The following KCNK2 variants were observed in gnomAD, a reference collection of about 807,000 sequenced individuals.
The protein encoded by KCNK2 is potassium channel subfamily K member 2.
A neutral mutation model predicts 40.5 loss-of-function variants in KCNK2; 21 were observed. That is an observed-to-expected ratio of 0.52 (90% confidence interval 0.37 to 0.75). The LOEUF is 0.75. Among genes scored for constraint, KCNK2 ranks in the 30% least tolerant of loss-of-function variants. The pLI is 0.00. For missense variants in KCNK2, 399 were observed against 531.6 expected (o/e 0.75, Z 2.45); for synonymous variants, 191 against 202.2 (o/e 0.94, Z 0.47).
At chr1:215,040,374 T>C (rs1196188608) in intron 1 of KCNK2, among the ~76,000 whole-genome samples, 1 of 152,166 alleles carries the variant, frequency 6.6e-6, no homozygotes, top group East Asian at 1.9e-4. Flanking sequence ...GAGGTCACAC[T>C]CCTAGTTCAA....
At chr1:215,050,058 A>G (rs1183603621) in intron 1 of KCNK2, among the ~76,000 whole-genome samples, 2 of 152,192 alleles carry the variant, frequency 1.3e-5, no homozygotes, top group Non-Finnish European at 2.9e-5. Flanking sequence ...TGAGATTTTG[A>G]TAAGAGTTGT....
chr1:215,230,092 TACACA>T (rs1409173741), intron 6 of KCNK2, among the ~76,000 whole-genome samples: 7 of 141,242 alleles, frequency 5.0e-5, no homozygotes, highest in African/African-American at 1.6e-4. Flanking sequence ...TGTGTGTGTA[TACACA>T]CACACACACA....
chr1:215,108,897 G>C (rs1045912473), intron 2 of KCNK2, among the ~76,000 whole-genome samples: 3 of 136,748 alleles, frequency 2.2e-5, no homozygotes, highest in Admixed American at 2.1e-4. Context: ...AACATGGAGT[G>C]AACTTCAGGA....
intron 6 of KCNK2, among the ~76,000 whole-genome samples, chr1:215,213,967 A>G (rs1375804699): frequency 6.6e-6 from 1 of 152,130 alleles, no homozygotes; most frequent in Non-Finnish European, 1.5e-5. Context: ...CTTTGCATTC[A>G]TCTCTAATAT....
At chr1:215,005,923 T>G in exon 1 of KCNK2, 1 of 1,613,486 alleles carries the variant, frequency 6.2e-7, no homozygotes, top group East Asian at 2.2e-5. Context: ...CATCACCAAA[T>G]GATGAACCCA....
At chr1:215,187,447 T>G (rs927745254) in intron 5 of KCNK2, among the ~76,000 whole-genome samples, 1 of 152,180 alleles carries the variant, frequency 6.6e-6, no homozygotes, top group Non-Finnish European at 1.5e-5. Context: ...TTCTCTTTCT[T>G]TATTAAAATC....
intron 5 of KCNK2, among the ~76,000 whole-genome samples, chr1:215,182,134 A>ACC (rs1209979956): frequency 6.6e-6 from 1 of 152,080 alleles, no homozygotes; most frequent in Non-Finnish European, 1.5e-5. Flanking sequence ...AGATCTCTTC[A>ACC]AAGGAGGGGT....
rs554004492 is a variant in KCNK2 at position 215,235,289 on chromosome 1, C to T, written c.*144C>T. The T allele has an allele frequency of 7.8e-6, 5 of 639,336 alleles. No individual in the cohort carries two copies. The South Asian group carries it at 1.3e-4, about 16-fold the overall frequency. The allele number at this position is 639,336 out of a possible 1,614,324, so 39.6% of individuals were successfully genotyped here. A position where few individuals can be genotyped will look rare whatever the true frequency, so the allele number is the denominator to read the frequency against. On this transcript the variant is annotated 3_prime_UTR_variant, in exon 7 of 7. Coordinates refer to ENST00000444842, the MANE Select transcript of KCNK2 (RefSeq NM_001017425.3). Reference sequence around the variant, plus strand: ...TACACCCATCATGGTCATCTATCATCAAGAGAATTTGGAATTCTGAGCCAG... The same window carrying T: ...TACACCCATCATGGTCATCTATCATTAAGAGAATTTGGAATTCTGAGCCAG...
intron 5 of KCNK2, among the ~76,000 whole-genome samples, chr1:215,188,484 C>T (rs1471109378): frequency 6.6e-6 from 1 of 152,104 alleles, no homozygotes; most frequent in Non-Finnish European, 1.5e-5. Flanking sequence ...TATTTGCTTT[C>T]CTGTATAACT....
intron 2 of KCNK2, among the ~76,000 whole-genome samples, chr1:215,099,932 A>G (rs1036755685): frequency 6.6e-6 from 1 of 152,030 alleles, no homozygotes; most frequent in African/African-American, 2.4e-5. Context: ...ACTATTATTT[A>G]TATGCAATAA....
intron 3 of KCNK2, among the ~76,000 whole-genome samples, chr1:215,166,046 G>A (rs1663429753): frequency 6.6e-6 from 1 of 152,056 alleles, no homozygotes; most frequent in Admixed American, 6.6e-5. Flanking sequence ...TGGAATTTTT[G>A]TTAGATAATC....
chr1:215,222,024 T>C (rs960923134), intron 6 of KCNK2, among the ~76,000 whole-genome samples: 2 of 152,118 alleles, frequency 1.3e-5, no homozygotes, highest in African/African-American at 2.4e-5. Context: ...GCATGTCACA[T>C]GGCAAAAGCA....
rs562386483 is a variant in KCNK2, at chr1:215,018,622, T to C, written c.34+12667T>C. 1.3e-4 allele frequency among the ~76,000 whole-genome samples: 20 copies of C among 152,190 alleles called. No individual in the cohort carries two copies. The South Asian group carries it at 3.7e-3, about 28-fold the overall frequency. On this transcript the variant is annotated intron_variant, in intron 1 of 6. Coordinates refer to the KCNK2 transcript ENST00000391895. ...CAGTGAGAATGCCACAGATAGTATA[T>C]GTGCACAGTATGAAGATGGAAGAAT...
intron 2 of KCNK2, among the ~76,000 whole-genome samples, chr1:215,116,835 C>T (rs1276094029): frequency 6.6e-6 from 1 of 151,656 alleles, no homozygotes; most frequent in East Asian, 1.9e-4. Flanking sequence ...TTGTTTCTTA[C>T]AAAATCTTCC....
intron 2 of KCNK2, among the ~76,000 whole-genome samples, chr1:215,100,492 A>G (rs1660161408): frequency 6.6e-6 from 1 of 151,980 alleles, no homozygotes. Flanking sequence ...TTAAGCATTG[A>G]AGCCAGTGAA....
In KCNK2 at chr1:215,083,208, C is replaced by A; in HGVS notation, c.-178C>A. 8.8e-7 allele frequency: 1 copy of A among 1,135,096 alleles called. No homozygotes were observed. The highest frequency in any genetic ancestry group is 1.2e-6 in the Non-Finnish European group (1 of 803,968). The allele number at this position is 1,135,096 out of a possible 1,614,324, so 70.3% of individuals were successfully genotyped here. ...TCTTCTCACGCTCCCCCCCCCGCCC[C>A]CTCCCGCGTCCAGCCCCGCTCTCCC... On this transcript the variant is annotated 5_prime_UTR_variant, in exon 1 of 7. Coordinates refer to ENST00000444842, the MANE Select transcript of KCNK2 (RefSeq NM_001017425.3).
chr1:215,051,118 A>T (rs541593473), intron 1 of KCNK2, among the ~76,000 whole-genome samples: 1 of 152,170 alleles, frequency 6.6e-6, no homozygotes, highest in South Asian at 2.1e-4. Flanking sequence ...ATGCTGGAGG[A>T]TAGTGGCCAT....
intron 1 of KCNK2, among the ~76,000 whole-genome samples, chr1:215,020,684 T>C (rs555132138): frequency 7.2e-4 from 109 of 151,992 alleles, no homozygotes; most frequent in African/African-American, 2.5e-3. Flanking sequence ...CCACAGCCTC[T>C]CAGTGTTAGG....
chr1:215,113,486 A>G (rs1327602121), intron 2 of KCNK2, among the ~76,000 whole-genome samples: 2 of 152,186 alleles, frequency 1.3e-5, no homozygotes, highest in East Asian at 1.9e-4. Context: ...CTTAAGTAAC[A>G]CTATATGCAT....
Sources: gnomAD v4.1 joint callset for allele counts (sites outside exome capture counted in the v4.1 genomes callset) on GRCh38, gnomAD v4.1.1 for gene constraint, MANE v1.5 for transcripts, NCBI Gene and HGNC (gene_info 2026-07-23, HGNC 2026-07-21) for gene names.